DDX60L: variants seen among roughly 807,000 people sequenced by gnomAD.
The protein encoded by DDX60L is DExD/H-box 60 like.
DDX60L carries 191 observed loss-of-function variants against 211.6 expected under a neutral mutation model. That is an observed-to-expected ratio of 0.90 (90% CI 0.80 to 1.02). DDX60L has a LOEUF of 1.02. Among genes scored for constraint, DDX60L ranks in the 50% least tolerant of loss-of-function variants. The pLI is 0.00. For synonymous variants in DDX60L, 706 were observed against 694.1 expected (o/e 1.02, Z -0.27); for missense variants, 2,007 against 1,984.1 (o/e 1.01, Z -0.22).
At chr4:168,459,579 C>T (rs978033055) in intron 5 of DDX60L, among the ~76,000 whole-genome samples, 1 of 152,018 alleles carries the variant, frequency 6.6e-6, no homozygotes, top group Non-Finnish European at 1.5e-5. Context: ...TGGTGAAACC[C>T]TATCTCTACT....
intron 26 of DDX60L, among the ~76,000 whole-genome samples, chr4:168,400,122 T>C (rs1434719750): frequency 6.6e-6 from 1 of 152,166 alleles, no homozygotes; most frequent in Non-Finnish European, 1.5e-5. Context: ...TAGTATTTGG[T>C]TTTCTGTTCC....
intron 1 of DDX60L, among the ~76,000 whole-genome samples, chr4:168,477,413 TAA>T (rs773326024): frequency 2.9e-5 from 4 of 139,342 alleles, no homozygotes; most frequent in African/African-American, 2.6e-5. Context: ...AGACTCTGTC[TAA>T]AAAAAAAAAA....
intron 4 of DDX60L, among the ~76,000 whole-genome samples, chr4:168,466,060 T>C (rs1460980347): frequency 1.3e-5 from 2 of 152,176 alleles, no homozygotes; most frequent in African/African-American, 4.8e-5. Context: ...ATTTGTGATA[T>C]GTAGCTAAAA....
In DDX60L at chr4:168,375,512, C is replaced by G; in HGVS notation, c.4498G>C (p.Glu1500Gln). ...GCAGCTTTAAAATCCTCCGGGAGTT[C>G]GGCAAGGATCACCTATGGGCGAAAT... ...SFSQSKVILA[E>Q]LPEDFKAALY... The change falls in exon 34 of 38, where the codon GAA (glutamate) becomes CAA (glutamine). Residue 1500 changes from glutamate (E) to glutamine (Q), a missense_variant. Physicochemically the swap from Glu to Gln is conservative, Grantham distance 29. Transcript: ENST00000682922. 6.2e-7 allele frequency: 1 copy of G among 1,608,620 alleles called. No homozygotes were observed. The highest frequency in any genetic ancestry group is 8.5e-7 in the Non-Finnish European group (1 of 1,177,804).
intron 5 of DDX60L, 134 bp from the exon 6 acceptor site, chr4:168,458,142 A>G (rs1416846809): frequency 1.9e-6 from 1 of 519,638 alleles, no homozygotes; most frequent in African/African-American, 1.9e-5. Flanking sequence ...ATTACTAAAA[A>G]GTCAAGAAAC....
chr4:168,383,379 C>T (rs1743293097), intron 30 of DDX60L, among the ~76,000 whole-genome samples: 1 of 152,198 alleles, frequency 6.6e-6, no homozygotes, highest in Admixed American at 6.5e-5. Flanking sequence ...GGGACAGACA[C>T]ACTTCCAAGT....
At chr4:168,461,567 T>C (rs1757321785) in intron 5 of DDX60L, 132 bp downstream of exon 5, 1 of 633,528 alleles carries the variant, frequency 1.6e-6, no homozygotes, top group Non-Finnish European at 2.7e-6. Context: ...TTGTTACCAT[T>C]ATTAAATGTA....
intron 22 of DDX60L, among the ~76,000 whole-genome samples, chr4:168,414,120 T>C (rs887435989): frequency 1.3e-5 from 2 of 152,138 alleles, no homozygotes; most frequent in Admixed American, 6.6e-5. Flanking sequence ...CATGGGATAG[T>C]ATATCCAGTG....
intron 29 of DDX60L, among the ~76,000 whole-genome samples, chr4:168,385,334 T>A (rs879511272): frequency 1.3e-5 from 2 of 152,192 alleles, no homozygotes; most frequent in Non-Finnish European, 2.9e-5. Flanking sequence ...ACACGGAGTT[T>A]CCTGGAGGGT....
chr4:168,385,211 C>T (rs1743654186), intron 29 of DDX60L, among the ~76,000 whole-genome samples: 1 of 152,106 alleles, frequency 6.6e-6, no homozygotes, highest in African/African-American at 2.4e-5. Flanking sequence ...GGGAGAAGGG[C>T]TCAAGGTTAA....
chr4:168,417,955 T>C (rs1236949544), intron 19 of DDX60L, among the ~76,000 whole-genome samples: 1 of 152,204 alleles, frequency 6.6e-6, no homozygotes, highest in Non-Finnish European at 1.5e-5. Flanking sequence ...ATGCTAATCT[T>C]ATATTTTGTA....
chr4:168,416,660 C>T (rs1233589094), intron 20 of DDX60L, 22 bp downstream of exon 20: 13 of 1,455,380 alleles, frequency 8.9e-6, no homozygotes, highest in Non-Finnish European at 1.2e-5. Flanking sequence ...ATATAACAAC[C>T]ACTCTTTTTA....
At chr4:168,368,291 A>G (rs1245385333) in intron 36 of DDX60L, among the ~76,000 whole-genome samples, 1 of 152,206 alleles carries the variant, frequency 6.6e-6, no homozygotes, top group Admixed American at 6.5e-5. Flanking sequence ...TGGCTGAAAA[A>G]GGCTAATGTA....
Position 168,415,516 on chromosome 4 carries a change from C to G in DDX60L, c.2871G>C (p.Val957=). Residue 957 remains valine, a splice_region_variant and synonymous_variant, in exon 22 of 38, where the codon GTG becomes GTC. Transcript: ENST00000682922. ...AATCATTGTATCTCTCTCCACAGAG[C>G]ACTAGATACGAAGAGCAAGAATATC... ...YKNQSYEVRL[V]LCGERYNDLE... The G allele has an allele frequency of 1.9e-6, 3 of 1,555,824 alleles. No homozygotes were observed. The highest frequency in any genetic ancestry group is 2.6e-6 in the Non-Finnish European group (3 of 1,134,798).
chr4:168,465,400 C>T (rs1757856659), intron 4 of DDX60L, among the ~76,000 whole-genome samples: 1 of 151,886 alleles, frequency 6.6e-6, no homozygotes, highest in Non-Finnish European at 1.5e-5. Context: ...GATATTAATT[C>T]CTTGTAGGAT....
chr4:168,395,801 A>C, intron 27 of DDX60L, 158 bp downstream of exon 27: 1 of 593,504 alleles, frequency 1.7e-6, no homozygotes, highest in Non-Finnish European at 2.9e-6. Flanking sequence ...TAGCACATTA[A>C]ATTGGGATAA....
intron 8 of DDX60L, among the ~76,000 whole-genome samples, chr4:168,451,359 A>G (rs1389949485): frequency 6.6e-6 from 1 of 152,142 alleles, no homozygotes; most frequent in African/African-American, 2.4e-5. Flanking sequence ...ACTATTTCCC[A>G]AACTCATTGT....
At chr4:168,443,651 G>A (rs370777246) in intron 9 of DDX60L, among the ~76,000 whole-genome samples, 1 of 151,436 alleles carries the variant, frequency 6.6e-6, no homozygotes, top group Admixed American at 6.6e-5. Flanking sequence ...CCCTCAAAGG[G>A]AAGCCCATCA....
intron 36 of DDX60L, among the ~76,000 whole-genome samples, chr4:168,362,791 A>C (rs529040523): frequency 4.6e-5 from 7 of 152,230 alleles, no homozygotes; most frequent in Non-Finnish European, 1.0e-4. Context: ...AAAAAGAATA[A>C]AAAGGAATTA....
Sources: allele counts gnomAD v4.1 joint callset (sites outside exome capture counted in the v4.1 genomes callset), GRCh38; gene constraint gnomAD v4.1.1; transcripts MANE v1.5; gene names NCBI Gene and HGNC (gene_info 2026-07-23, HGNC 2026-07-21).